KHDRBS2: variants seen among roughly 807,000 people sequenced by gnomAD.
KHDRBS2 encodes KH domain-containing, RNA-binding, signal transduction-associated protein 2.
Under a neutral mutation model 44.3 loss-of-function variants are expected in KHDRBS2, and 26 were observed. The ratio of observed to expected loss-of-function variants is 0.59; its 90% CI spans 0.43 to 0.81. KHDRBS2 has a LOEUF of 0.81. Among genes scored for constraint, KHDRBS2 ranks in the 40% least tolerant of loss-of-function variants. The probability of loss-of-function intolerance (pLI) is 0.00; values close to 1 mark genes in which losing one functional copy is unlikely to be tolerated. For synonymous variants in KHDRBS2, 194 were observed against 151.1 expected (o/e 1.28, Z -2.08); for missense variants, 476 against 433.1 (o/e 1.10, Z -0.88).
At chr6:62,189,079 AC>A (rs1311368214) in intron 1 of KHDRBS2, among the ~76,000 whole-genome samples, 2 of 151,390 alleles carry the variant, frequency 1.3e-5, no homozygotes. Flanking sequence ...TGTGCCACTG[AC>A]CCCTCCAGCC....
chr6:61,660,974 G>A, the KHDRBS2 span, among the ~76,000 whole-genome samples: 1 of 151,770 alleles, frequency 6.6e-6, no homozygotes, highest in African/African-American at 2.4e-5. Context: ...TTTATTAGTT[G>A]ATTATTGCTT....
At chr6:61,571,229 T>C in the KHDRBS2 span, among the ~76,000 whole-genome samples, 2 of 152,218 alleles carry the variant, frequency 1.3e-5, no homozygotes, top group East Asian at 1.9e-4. Context: ...TGGAAAAAGA[T>C]ATTCCATGCA....
chr6:61,819,241 A>G (rs1423025644), intron 6 of KHDRBS2, among the ~76,000 whole-genome samples: 1 of 152,028 alleles, frequency 6.6e-6, no homozygotes, highest in Non-Finnish European at 1.5e-5. Flanking sequence ...ATGAGGCCAA[A>G]TGAAGGGTTA....
chr6:61,558,362 T>C, the KHDRBS2 span, among the ~76,000 whole-genome samples: 2 of 151,926 alleles, frequency 1.3e-5, no homozygotes, highest in Non-Finnish European at 2.9e-5. Context: ...AGGAGCTTGA[T>C]ACCAGCCTGA....
the KHDRBS2 span, among the ~76,000 whole-genome samples, chr6:61,605,073 TA>T: frequency 6.6e-6 from 1 of 152,092 alleles, no homozygotes; most frequent in Non-Finnish European, 1.5e-5. Context: ...GCCACCAACT[TA>T]AAAAGGACTG....
At chr6:61,938,566 G>A (rs1463784477) in intron 4 of KHDRBS2, among the ~76,000 whole-genome samples, 1 of 152,136 alleles carries the variant, frequency 6.6e-6, no homozygotes, top group Admixed American at 6.6e-5. Flanking sequence ...GCTCTGAGAA[G>A]GTTACTCTGG....
chr6:62,054,503 G>A (rs1439934125), intron 2 of KHDRBS2, among the ~76,000 whole-genome samples: 1 of 152,018 alleles, frequency 6.6e-6, no homozygotes, highest in Admixed American at 6.6e-5. Flanking sequence ...GAAACTATAT[G>A]GGTGTGATTA....
At chr6:61,750,277 T>A (rs975702223) in intron 6 of KHDRBS2, among the ~76,000 whole-genome samples, 3 of 152,188 alleles carry the variant, frequency 2.0e-5, no homozygotes, top group African/African-American at 7.2e-5. Flanking sequence ...CAAGCTTCCT[T>A]TAACTCCAGT....
intron 6 of KHDRBS2, among the ~76,000 whole-genome samples, chr6:61,892,848 A>G (rs1297288966): frequency 6.6e-6 from 1 of 152,200 alleles, no homozygotes; most frequent in East Asian, 1.9e-4. Flanking sequence ...ATGGGCAAGG[A>G]CTTCATGTCT....
chr6:61,931,797 C>G (rs377174720), intron 4 of KHDRBS2, among the ~76,000 whole-genome samples: 20 of 152,124 alleles, frequency 1.3e-4, no homozygotes, highest in East Asian at 5.8e-4. Flanking sequence ...TATCCTGCCT[C>G]CTCTTCCACC....
chr6:62,183,782 C>T (rs144104174), intron 1 of KHDRBS2, among the ~76,000 whole-genome samples: 138 of 151,536 alleles, frequency 9.1e-4, no homozygotes, highest in African/African-American at 3.1e-3. Context: ...GGTAGAATGC[C>T]AGTATTCAAT....
At chr6:61,953,725 A>G (rs1765269077) in intron 4 of KHDRBS2, among the ~76,000 whole-genome samples, 1 of 152,116 alleles carries the variant, frequency 6.6e-6, no homozygotes, top group Non-Finnish European at 1.5e-5. Flanking sequence ...AATCAAAACA[A>G]TTTGCTGACA....
At chr6:61,786,643 T>A (rs1783859453) in intron 6 of KHDRBS2, among the ~76,000 whole-genome samples, 1 of 151,978 alleles carries the variant, frequency 6.6e-6, no homozygotes, top group Non-Finnish European at 1.5e-5. Context: ...TTAGGTGGGA[T>A]CAGGCAGATT....
intron 6 of KHDRBS2, among the ~76,000 whole-genome samples, chr6:61,821,072 TA>T (rs1372221960): frequency 6.6e-6 from 1 of 151,996 alleles, no homozygotes; most frequent in East Asian, 1.9e-4. Context: ...GTTTGTCTAT[TA>T]TTTTTTCCCT....
At chr6:61,554,322 C>A in the KHDRBS2 span, among the ~76,000 whole-genome samples, 1 of 151,820 alleles carries the variant, frequency 6.6e-6, no homozygotes, top group Non-Finnish European at 1.5e-5. Flanking sequence ...ATTAGAAGAG[C>A]AACCCCTGTT....
At chr6:62,105,744 AT>A (rs1250872139) in intron 2 of KHDRBS2, among the ~76,000 whole-genome samples, 1 of 151,964 alleles carries the variant, frequency 6.6e-6, no homozygotes, top group African/African-American at 2.4e-5. Flanking sequence ...GGATTCATTA[AT>A]TTTTTGAAGG....
At chr6:61,857,088 C>A (rs1201567447) in intron 6 of KHDRBS2, among the ~76,000 whole-genome samples, 3 of 151,854 alleles carry the variant, frequency 2.0e-5, no homozygotes, top group Non-Finnish European at 4.4e-5. Context: ...CATAGTAATT[C>A]CAGTAATGAT....
chr6:61,867,529 A>C (rs1240420215), intron 6 of KHDRBS2, among the ~76,000 whole-genome samples: 2 of 152,196 alleles, frequency 1.3e-5, no homozygotes, highest in Non-Finnish European at 2.9e-5. Context: ...GGAAGGCGGC[A>C]CTATGACTTT....
At chr6:61,931,103 TCCTTATAATGAAAA>T (rs1809958422) in intron 4 of KHDRBS2, among the ~76,000 whole-genome samples, 1 of 151,926 alleles carries the variant, frequency 6.6e-6, no homozygotes, top group Non-Finnish European at 1.5e-5. Context: ...TTTATATTCA[TCCTTATAATGAAAA>T]AAATACTTAT....
Sources: allele counts gnomAD v4.1 joint callset (sites outside exome capture counted in the v4.1 genomes callset), GRCh38; gene constraint gnomAD v4.1.1; transcripts MANE v1.5; gene names NCBI Gene and HGNC (gene_info 2026-07-23, HGNC 2026-07-21).